The following VPS13C variants were observed in gnomAD, a reference collection of about 807,000 sequenced individuals.
VPS13C encodes the protein vacuolar protein sorting 13 homolog C, also known as intermembrane lipid transfer protein VPS13C.
A neutral mutation model predicts 456.8 loss-of-function variants in VPS13C; 358 were observed. The ratio of observed to expected loss-of-function variants is 0.78; its 90% CI spans 0.72 to 0.86. The LOEUF (loss-of-function observed/expected upper bound fraction) is 0.86, where lower values mean the gene tolerates loss of function less well. VPS13C is among the 40% of genes least tolerant of loss of function. The pLI, the probability that VPS13C is intolerant of heterozygous loss-of-function variation, is 0.00. For synonymous variants in VPS13C, 1,578 were observed against 1,486.7 expected, an observed-to-expected ratio of 1.06 and a Z score of -1.41; for missense variants, 4,818 against 4,385.4, an observed-to-expected ratio of 1.10 and a Z score of -2.79.
At chr15:61,906,079 C>T (rs186064146) in intron 66 of VPS13C, among the ~76,000 whole-genome samples, 1 of 151,960 alleles carries the variant, frequency 6.6e-6, no homozygotes, top group African/African-American at 2.4e-5. Context: ...TTCATAAAGC[C>T]CATGTTGGGG....
At chr15:61,984,585 T>C (rs1342846056) in intron 19 of VPS13C, among the ~76,000 whole-genome samples, 1 of 152,204 alleles carries the variant, frequency 6.6e-6, no homozygotes, top group African/African-American at 2.4e-5. Context: ...AAACTTACTG[T>C]ACTTGTCCAC....
rs934854569 is a variant in VPS13C at position 61,972,637 on chromosome 15, A to C, written c.2745T>G (p.Phe915Leu). ...AAAAAGCACATACTTCTTTAATTTCAAACTTGAGTAGAAGATTGATGAGCT... is the reference window on the plus strand; with the variant it reads ...AAAAAGCACATACTTCTTTAATTTCCAACTTGAGTAGAAGATTGATGAGCT... ...NEELINLLLK[F>L]EIKEVILEFT... The change falls in exon 27 of 85, where the codon TTT becomes TTG. Residue 915 changes from phenylalanine (F) to leucine (L), a missense_variant. Phe to Leu is a conservative substitution (Grantham distance 22, BLOSUM62 0). This residue lies in a region of VPS13C where 4,552 missense variants were observed against 4,130.6 expected (regional missense o/e 1.10). Coordinates refer to ENST00000644861, the MANE Select transcript of VPS13C (RefSeq NM_020821.3). The C allele has an allele frequency of 4.3e-6, 7 of 1,612,668 alleles. No homozygotes were observed. Among genetic ancestry groups the C allele is most frequent in the Non-Finnish European group, 5.9e-6 (7 of 1,179,468 alleles).
rs1277375803 is a variant in VPS13C at position 62,013,957 on chromosome 15, A to G, written c.720T>C (p.Asn240=). ...CCTTGTATATAATTTTGTCTGCTTC[A>G]TTTAATATGCATGGAGTCCAGTGTT... ...ANEHWTPCIL[N]EADKIIYKLI... Residue 240 remains asparagine, a synonymous_variant, in exon 10 of 85, where the codon AAT becomes AAC. Coordinates refer to ENST00000644861, the MANE Select transcript of VPS13C (RefSeq NM_020821.3). 3.7e-6 allele frequency: 6 copies of G among 1,610,280 alleles called. No individual in the cohort carries two copies. The highest frequency in any genetic ancestry group is 1.3e-5 in the African/African-American group (1 of 74,780).
At chr15:62,003,133 G>C (rs1206619903) in intron 15 of VPS13C, among the ~76,000 whole-genome samples, 1 of 152,066 alleles carries the variant, frequency 6.6e-6, no homozygotes, top group Admixed American at 6.5e-5. Flanking sequence ...TCATGATATT[G>C]ATTCTTCCTA....
At position 61,854,723 on chromosome 15, in the gene VPS13C, G is replaced by A. The variant is rs1257210546; in HGVS notation, c.11160+148C>T. On this transcript the variant is annotated intron_variant, in intron 84 of 84. Coordinates refer to ENST00000644861, the MANE Select transcript of VPS13C (RefSeq NM_020821.3). The stretch of plus-strand genomic sequence containing the variant: ...ATATAAAAATAAGACCCTTGCACCC[G>A]ACTGAGTCCACAGCATATTAAGTTT... 20 of 968,256 alleles carry A rather than the reference G, an allele frequency of 2.1e-5. No individual in the cohort carries two copies. The Admixed American group carries it at 4.2e-4, about 21-fold the overall frequency. 60.0% of individuals were successfully genotyped at this position (968,256 alleles called of 1,614,324 possible).
At chr15:61,920,015 G>C in intron 57 of VPS13C, 52 bp downstream of exon 57, 1 of 1,409,586 alleles carries the variant, frequency 7.1e-7, no homozygotes, top group Non-Finnish European at 9.4e-7. Context: ...TCAAAAATAA[G>C]CCCACACCAA....
chr15:61,921,665 T>A (rs1172304579), intron 55 of VPS13C, among the ~76,000 whole-genome samples: 1 of 152,150 alleles, frequency 6.6e-6, no homozygotes, highest in Non-Finnish European at 1.5e-5. Context: ...TACACATATA[T>A]CTCTTTACTG....
intron 48 of VPS13C, 32 bp downstream of exon 48, chr15:61,936,565 T>C: frequency 6.7e-7 from 1 of 1,498,776 alleles, no homozygotes; most frequent in South Asian, 1.4e-5. Context: ...CACCAATTTT[T>C]TCTCCATAAA....
chr15:62,041,815 G>C (rs1321002064), intron 2 of VPS13C, among the ~76,000 whole-genome samples: 1 of 150,804 alleles, frequency 6.6e-6, no homozygotes, highest in Non-Finnish European at 1.5e-5. Flanking sequence ...ACAAAACTCT[G>C]TCTCAAAAAA....
In VPS13C at chr15:61,917,542, G is replaced by C; in HGVS notation, c.7854C>G (p.Ser2618Arg). ...YISWKEELHR[S>R]REVRCMLQCP... Reference sequence around the variant, plus strand: ...ACTGCAACATGCATCTGACTTCCCTGCTCCTATGAAGTTCTTCCTTCCAGG... The same window carrying C: ...ACTGCAACATGCATCTGACTTCCCTCCTCCTATGAAGTTCTTCCTTCCAGG... The change falls in exon 60 of 85, where the codon AGC becomes AGG. Residue 2618 changes from serine to arginine, a missense_variant. Coordinates refer to ENST00000644861, the MANE Select transcript of VPS13C (RefSeq NM_020821.3). 1 of 1,613,964 alleles carries C rather than the reference G, an allele frequency of 6.2e-7. No individual in the cohort carries two copies. Among genetic ancestry groups the C allele is most frequent in the Non-Finnish European group, 8.5e-7 (1 of 1,179,900 alleles).
chr15:61,892,589 C>G (rs570392589), intron 66 of VPS13C, among the ~76,000 whole-genome samples: 6 of 152,214 alleles, frequency 3.9e-5, no homozygotes, highest in African/African-American at 1.4e-4. Flanking sequence ...AAGCCATAGA[C>G]GCATGTCCAC....
intron 5 of VPS13C, among the ~76,000 whole-genome samples, chr15:62,029,807 AT>A: frequency 6.6e-6 from 1 of 152,234 alleles, no homozygotes; most frequent in Admixed American, 6.5e-5. Flanking sequence ...TTAACCTAGC[AT>A]TCTATCCCCA....
At chr15:61,941,559 A>T (rs981326357) in intron 46 of VPS13C, among the ~76,000 whole-genome samples, 1 of 152,192 alleles carries the variant, frequency 6.6e-6, no homozygotes, top group African/African-American at 2.4e-5. Flanking sequence ...ATCATATTAC[A>T]TATGTAGTAA....
At chr15:61,967,259 GA>G (rs2045406049) in intron 29 of VPS13C, 108 bp downstream of exon 29, 4 of 869,842 alleles carry the variant, frequency 4.6e-6, no homozygotes, top group Non-Finnish European at 7.1e-6. Flanking sequence ...CCTCTAATTA[GA>G]AACTGTGATA....
At chr15:61,920,675 T>C in intron 55 of VPS13C, 28 bp from the exon 56 acceptor site, 1 of 1,547,288 alleles carries the variant, frequency 6.5e-7, no homozygotes. Context: ...ACAGCAAATT[T>C]AAATTATTAG....
At chr15:62,015,458 G>C (rs1019278280) in intron 9 of VPS13C, among the ~76,000 whole-genome samples, 2 of 151,860 alleles carry the variant, frequency 1.3e-5, no homozygotes, top group South Asian at 2.1e-4. Flanking sequence ...GTAATGCCTA[G>C]GTTTTCTTCT....
At chr15:62,045,763 G>T (rs2048380105) in intron 1 of VPS13C, among the ~76,000 whole-genome samples, 1 of 152,076 alleles carries the variant, frequency 6.6e-6, no homozygotes, top group Non-Finnish European at 1.5e-5. Flanking sequence ...AGGAAGGACA[G>T]AAGAGGGGAG....
intron 15 of VPS13C, among the ~76,000 whole-genome samples, chr15:62,003,161 T>G (rs1311385100): frequency 2.6e-5 from 4 of 152,038 alleles, no homozygotes; most frequent in Admixed American, 2.0e-4. Flanking sequence ...GCATGGAATG[T>G]TCTTCCATTT....
rs1346104210 is a variant in VPS13C, at chr15:62,037,287, ATTATATTATAT to A, written c.188-2246_188-2236del. On this transcript the variant is annotated intron_variant, in intron 3 of 84. Coordinates refer to ENST00000644861, the MANE Select transcript of VPS13C (RefSeq NM_020821.3). ...TTATATTATATAATATATTATATAT[ATTATATTATAT>A]AATATATATATAAATATATTATATA... Among the ~76,000 whole-genome samples, 107 of 51,324 alleles carry A rather than the reference ATTATATTATAT, an allele frequency of 2.1e-3. 2 individuals carry two copies. Among genetic ancestry groups the A allele is most frequent in the African/African-American group, 8.8e-3 (105 of 11,990 alleles). 33.7% of individuals were successfully genotyped at this position (51,324 alleles called of 152,430 possible).
Sources: gnomAD v4.1 joint callset for allele counts (sites outside exome capture counted in the v4.1 genomes callset) on GRCh38, gnomAD v4.1.1 for gene constraint, gnomAD v4.1.1 regional missense constraint, MANE v1.5 for transcripts, NCBI Gene and HGNC (gene_info 2026-07-23, HGNC 2026-07-21) for gene names.